Variants in GLO1 observed in about 807,000 individuals in gnomAD.
GLO1 encodes the protein glyoxalase I.
In GLO1, 28 loss-of-function variants were observed where a neutral mutation model predicts 26.0. The ratio of observed to expected loss-of-function variants is 1.08; its 90% CI spans 0.80 to 1.48. The LOEUF (loss-of-function observed/expected upper bound fraction) is 1.48, where lower values mean the gene tolerates loss of function less well. Among genes scored for constraint, GLO1 ranks in the 40% most tolerant of loss-of-function variants. GLO1 has a pLI of 0.00. For missense variants in GLO1, 225 were observed against 224.8 expected (o/e 1.00, Z -0.01); for synonymous variants, 78 against 77.6 (o/e 1.00, Z -0.03).
At chr6:38,693,685 C>CTCTATATATATATATATATA (rs869232489) in intron 1 of GLO1, among the ~76,000 whole-genome samples, 4 of 86,458 alleles carry the variant, frequency 4.6e-5, no homozygotes, top group Admixed American at 1.1e-4. Context: ...CTCTCTCTCT[C>CTCTATATATATATATATATA]TATATATATA....
chr6:38,694,555 T>C (rs978246975), intron 1 of GLO1, among the ~76,000 whole-genome samples: 21 of 152,016 alleles, frequency 1.4e-4, no homozygotes, highest in Non-Finnish European at 2.9e-5. Flanking sequence ...AGTGTACACA[T>C]GTAGCCCCAG....
intron 1 of GLO1, among the ~76,000 whole-genome samples, chr6:38,689,754 T>C (rs574425292): frequency 3.9e-5 from 6 of 151,910 alleles, no homozygotes; most frequent in Non-Finnish European, 7.4e-5. Context: ...AGAAACAGAC[T>C]GATCAACATG....
intron 1 of GLO1, among the ~76,000 whole-genome samples, chr6:38,694,144 A>C (rs1309709063): frequency 6.6e-6 from 1 of 152,156 alleles, no homozygotes; most frequent in Non-Finnish European, 1.5e-5. Flanking sequence ...TTTCTAGTTT[A>C]ATTCCACTGT....
chr6:38,680,241 G>A (rs1293669939), intron 5 of GLO1, among the ~76,000 whole-genome samples: 2 of 152,196 alleles, frequency 1.3e-5, no homozygotes, highest in East Asian at 1.9e-4. Context: ...CCTTTAAAGG[G>A]CTGGGTGCGG....
intron 1 of GLO1, among the ~76,000 whole-genome samples, chr6:38,697,164 T>C (rs9462450): frequency 0.21 from 32,219 of 152,068 alleles, 4,674 homozygotes; most frequent in African/African-American, 0.4. Context: ...CCACCCACCT[T>C]GGTCTCCCAA....
At chr6:38,681,076 A>ATG (rs1761366485) in intron 5 of GLO1, among the ~76,000 whole-genome samples, 1 of 151,990 alleles carries the variant, frequency 6.6e-6, no homozygotes, top group Non-Finnish European at 1.5e-5. Context: ...ATATATATAT[A>ATG]TTTTTGTGAC....
intron 5 of GLO1, among the ~76,000 whole-genome samples, chr6:38,678,200 T>C (rs1469359334): frequency 2.0e-5 from 3 of 152,146 alleles, no homozygotes; most frequent in African/African-American, 7.2e-5. Flanking sequence ...AAATATGACC[T>C]CAGAAATTTA....
intron 1 of GLO1, among the ~76,000 whole-genome samples, chr6:38,692,590 A>G (rs1165067447): frequency 6.6e-6 from 1 of 152,146 alleles, no homozygotes; most frequent in Non-Finnish European, 1.5e-5. Context: ...TAAGAGTGGT[A>G]ACAGCAGACA....
At chr6:38,685,892 A>G (rs1202839294) in intron 2 of GLO1, among the ~76,000 whole-genome samples, 1 of 152,188 alleles carries the variant, frequency 6.6e-6, no homozygotes, top group African/African-American at 2.4e-5. Context: ...CAGCCCTGCC[A>G]TATGCCAACT....
chr6:38,680,070 T>A (rs1030023346), intron 5 of GLO1, among the ~76,000 whole-genome samples: 2 of 152,064 alleles, frequency 1.3e-5, no homozygotes, highest in Admixed American at 6.6e-5. Context: ...GGAACATGAA[T>A]TGACAGATTT....
chr6:38,683,177 G>A (rs994870821), intron 3 of GLO1: 8 of 256,330 alleles, frequency 3.1e-5, no homozygotes, highest in Non-Finnish European at 5.2e-5. Flanking sequence ...AGCTCCATGG[G>A]CTAGGTGTGA....
chr6:38,702,374 G>A (rs527938101), intron 1 of GLO1, among the ~76,000 whole-genome samples: 9 of 152,268 alleles, frequency 5.9e-5, no homozygotes, highest in African/African-American at 1.9e-4. Flanking sequence ...AAAACGAGAG[G>A]GTAAGAGAAG....
chr6:38,692,363 G>A (rs1185882107), intron 1 of GLO1, among the ~76,000 whole-genome samples: 1 of 152,034 alleles, frequency 6.6e-6, no homozygotes, highest in Non-Finnish European at 1.5e-5. Flanking sequence ...ATATAGAAAC[G>A]CGATTGATTT....
chr6:38,689,125 G>C (rs1761497774), intron 1 of GLO1, among the ~76,000 whole-genome samples: 1 of 152,170 alleles, frequency 6.6e-6, no homozygotes, highest in African/African-American at 2.4e-5. Context: ...AAGGAAGCTG[G>C]GACCCCTGTC....
intron 1 of GLO1, among the ~76,000 whole-genome samples, chr6:38,695,856 G>T (rs1381189607): frequency 2.0e-5 from 3 of 151,938 alleles, no homozygotes; most frequent in African/African-American, 7.3e-5. Context: ...CTTTTTTTTG[G>T]TCTGTGTCCA....
intron 1 of GLO1, among the ~76,000 whole-genome samples, chr6:38,701,320 G>A (rs76395406): frequency 0.013 from 2,048 of 152,008 alleles, 45 homozygotes; most frequent in African/African-American, 0.046. Flanking sequence ...CCAGGGCCTG[G>A]CACACTCAAT....
At chr6:38,683,281 C>T in intron 3 of GLO1, 1 of 160,498 alleles carries the variant, frequency 6.2e-6, no homozygotes, top group Non-Finnish European at 1.4e-5. Context: ...TATTTTGAAT[C>T]AAGGGACACA....
intron 2 of GLO1, among the ~76,000 whole-genome samples, chr6:38,685,317 T>C (rs1252623413): frequency 6.6e-6 from 1 of 152,098 alleles, no homozygotes; most frequent in East Asian, 1.9e-4. Flanking sequence ...AAGAGACTGA[T>C]GGGAGAGAGA....
chr6:38,703,094 C>G lies in GLO1; in HGVS notation c.-40G>C, dbSNP rs11544282. On this transcript the variant is annotated 5_prime_UTR_variant, in exon 1 of 6. Transcript: ENST00000373365. ...ATCACAGACGACGGGACCCAAGGAA[C>G]GGAGGAGTCACCCACACTACGCCTC... 1 of 1,178,230 alleles carries G rather than the reference C, an allele frequency of 8.5e-7. No individual in the cohort carries two copies. Among genetic ancestry groups the G allele is most frequent in the Non-Finnish European group, 1.2e-6 (1 of 800,680 alleles). The allele number at this position is 1,178,230 out of a possible 1,614,324, so 73.0% of individuals were successfully genotyped here.
Sources: allele counts gnomAD v4.1 joint callset (sites outside exome capture counted in the v4.1 genomes callset), GRCh38; gene constraint gnomAD v4.1.1; transcripts MANE v1.5; gene names NCBI Gene and HGNC (gene_info 2026-07-23, HGNC 2026-07-21).